NBEA: variants seen among roughly 807,000 people sequenced by gnomAD.
The protein encoded by NBEA is lysosomal-trafficking regulator 2.
In NBEA, 44 loss-of-function variants were observed where a neutral mutation model predicts 343.4. That is an observed-to-expected ratio of 0.13 (90% confidence interval 0.10 to 0.16). The LOEUF is 0.16. Among genes scored for constraint, NBEA ranks in the 10% least tolerant of loss-of-function variants. The pLI, the probability that NBEA is intolerant of heterozygous loss-of-function variation, is 1.00. For missense variants in NBEA, 2,555 were observed against 3,631.3 expected (o/e 0.70, Z 7.62); for synonymous variants, 1,175 against 1,238.7 (o/e 0.95, Z 1.08).
intron 36 of NBEA, among the ~76,000 whole-genome samples, chr13:35,313,406 G>A (rs991269666): frequency 2.0e-5 from 3 of 152,146 alleles, no homozygotes; most frequent in South Asian, 2.1e-4. Context: ...CATGTAGTTA[G>A]CATGCTAATG....
intron 39 of NBEA, among the ~76,000 whole-genome samples, chr13:35,445,849 G>A (rs1420848487): frequency 7.4e-6 from 1 of 135,974 alleles, no homozygotes; most frequent in Non-Finnish European, 1.6e-5. Flanking sequence ...GAAGTTCTAG[G>A]GTACATGTGC....
intron 1 of NBEA, among the ~76,000 whole-genome samples, chr13:35,031,795 C>G (rs961034915): frequency 9.9e-5 from 15 of 151,672 alleles, no homozygotes; most frequent in African/African-American, 3.1e-4. Context: ...TCTCTCCCTC[C>G]TCCCACCCTC....
chr13:35,506,977 G>C (rs2077094519), intron 41 of NBEA, among the ~76,000 whole-genome samples: 1 of 151,976 alleles, frequency 6.6e-6, no homozygotes, highest in South Asian at 2.1e-4. Context: ...TCTGGCTACT[G>C]TCCCCCTTGT....
At chr13:35,623,979 G>T in intron 48 of NBEA, among the ~76,000 whole-genome samples, 1 of 151,872 alleles carries the variant, frequency 6.6e-6, no homozygotes, top group East Asian at 1.9e-4. Flanking sequence ...TTTCATGTAC[G>T]GCTATAAATA....
rs115736234 is a variant in NBEA, at chr13:35,483,288, T to C, written c.6585+10752T>C. On this transcript the variant is annotated intron_variant, in intron 41 of 58. Coordinates refer to ENST00000379939, the MANE Select transcript of NBEA (RefSeq NM_001385012.1). ...TATGCAAGTAAGAATGGGTTTCTCA[T>C]ATAAGTTAGCAACATTTGAGGCATA... 2.3e-3 allele frequency among the ~76,000 whole-genome samples: 346 copies of C among 152,042 alleles called. 2 individuals carry two copies. The highest frequency in any genetic ancestry group is 7.9e-3 in the African/African-American group (330 of 41,556).
At chr13:35,058,125 TG>T (rs1462005499) in intron 7 of NBEA, among the ~76,000 whole-genome samples, 15 of 152,086 alleles carry the variant, frequency 9.9e-5, no homozygotes, top group African/African-American at 3.4e-4. Context: ...ATTCCTCTTG[TG>T]GAGAGCACTG....
intron 35 of NBEA, among the ~76,000 whole-genome samples, chr13:35,292,413 A>G (rs1230617564): frequency 6.6e-6 from 1 of 152,060 alleles, no homozygotes; most frequent in African/African-American, 2.4e-5. Flanking sequence ...ACAGTTAATG[A>G]TGCTGTGGAG....
At chr13:35,001,930 AATT>A (rs2061155544) in intron 1 of NBEA, among the ~76,000 whole-genome samples, 2 of 152,194 alleles carry the variant, frequency 1.3e-5, no homozygotes, top group African/African-American at 2.4e-5. Context: ...CCATGTGCAC[AATT>A]ATTATGTTAA....
intron 49 of NBEA, 72 bp from the exon 50 acceptor site, chr13:35,645,797 C>T: frequency 1.2e-6 from 1 of 869,528 alleles, no homozygotes; most frequent in South Asian, 1.7e-5. Context: ...TTAATTGGAA[C>T]CTATAACTTT....
At chr13:35,295,129 TATA>T (rs1443132809) in intron 35 of NBEA, among the ~76,000 whole-genome samples, 8 of 148,028 alleles carry the variant, frequency 5.4e-5, no homozygotes, top group Non-Finnish European at 1.0e-4. Flanking sequence ...AATATATAAA[TATA>T]ATATTTATAA....
intron 17 of NBEA, among the ~76,000 whole-genome samples, chr13:35,128,092 G>A (rs1274026296): frequency 8.8e-6 from 1 of 113,190 alleles, no homozygotes; most frequent in Admixed American, 1.1e-4. Context: ...GAAAGGGGTG[G>A]GGGGAGGGGG....
chr13:35,414,794 A>T (rs1053863815), intron 38 of NBEA, among the ~76,000 whole-genome samples: 3 of 152,204 alleles, frequency 2.0e-5, no homozygotes, highest in African/African-American at 7.2e-5. Flanking sequence ...TAGATCCCTG[A>T]GGAATCGCCA....
chr13:35,414,664 T>C (rs1425858585), intron 38 of NBEA, among the ~76,000 whole-genome samples: 6 of 152,346 alleles, frequency 3.9e-5, no homozygotes, highest in African/African-American at 1.4e-4. Context: ...AAGTCTTTGC[T>C]ATTGTGAATA....
chr13:35,091,812 C>A (rs1449459083), intron 10 of NBEA, among the ~76,000 whole-genome samples: 1 of 151,860 alleles, frequency 6.6e-6, no homozygotes, highest in African/African-American at 2.4e-5. Flanking sequence ...AAGTTTAGGG[C>A]TATATCATAT....
intron 36 of NBEA, among the ~76,000 whole-genome samples, chr13:35,327,079 T>A (rs1414700248): frequency 6.6e-6 from 1 of 152,004 alleles, no homozygotes; most frequent in Non-Finnish European, 1.5e-5. Context: ...CACAATGATA[T>A]ACCATTTCAC....
chr13:35,119,237 C>T (rs1265065904), intron 16 of NBEA, among the ~76,000 whole-genome samples: 1 of 151,980 alleles, frequency 6.6e-6, no homozygotes, highest in Non-Finnish European at 1.5e-5. Flanking sequence ...AGGAATTCTT[C>T]GTTTTTATTT....
In NBEA at chr13:35,628,786, C is replaced by T. The variant is rs61606187; in HGVS notation, c.7617+538C>T. Reference sequence around the variant, plus strand: ...TACAAAAATTAGCAGGGTGTGGTGGCGCAGCTGTGTGGTCCCAGCTACTGT... The same window carrying T: ...TACAAAAATTAGCAGGGTGTGGTGGTGCAGCTGTGTGGTCCCAGCTACTGT... On this transcript the variant is annotated intron_variant, in intron 49 of 58. Coordinates refer to ENST00000379939, the MANE Select transcript of NBEA (RefSeq NM_001385012.1). 9.9e-3 allele frequency among the ~76,000 whole-genome samples: 1,507 copies of T among 152,102 alleles called. 21 individuals are homozygous for T. Among genetic ancestry groups the T allele is most frequent in the African/African-American group, 0.034 (1,427 of 41,504 alleles).
At chr13:35,576,668 A>C (rs7989610) in intron 45 of NBEA, among the ~76,000 whole-genome samples, 225 of 152,294 alleles carry the variant, frequency 1.5e-3, no homozygotes, top group African/African-American at 5.3e-3. Context: ...AACTGTTGAT[A>C]TACTGTCATA....
At chr13:35,142,195 C>G in intron 17 of NBEA, 74 bp from the exon 18 acceptor site, 1 of 869,222 alleles carries the variant, frequency 1.2e-6, no homozygotes, top group Non-Finnish European at 1.9e-6. Flanking sequence ...AAATTGTTCT[C>G]TCTTATCTAA....
Sources: allele counts gnomAD v4.1 joint callset (sites outside exome capture counted in the v4.1 genomes callset), GRCh38; gene constraint gnomAD v4.1.1; transcripts MANE v1.5; gene names NCBI Gene and HGNC (gene_info 2026-07-23, HGNC 2026-07-21).